ADGRG7: variants seen among roughly 807,000 people sequenced by gnomAD.
The protein encoded by ADGRG7 is adhesion G protein-coupled receptor G7.
A neutral mutation model predicts 88.6 loss-of-function variants in ADGRG7; 82 were observed. That is an observed-to-expected ratio of 0.93 (90% CI 0.77 to 1.11). ADGRG7 has a LOEUF of 1.11. ADGRG7 is among the 50% of genes most tolerant of loss of function. ADGRG7 has a pLI of 0.00. For synonymous variants in ADGRG7, 381 were observed against 345.2 expected, an observed-to-expected ratio of 1.10 and a Z score of -1.15; for missense variants, 945 against 953.4, an observed-to-expected ratio of 0.99 and a Z score of 0.12.
chr3:100,693,320 A>G (rs74543494), intron 15 of ADGRG7, among the ~76,000 whole-genome samples: 4,743 of 152,280 alleles, frequency 0.031, 256 homozygotes, highest in African/African-American at 0.11. Flanking sequence ...ATGTGCCCCA[A>G]ATAAATTTCT....
intron 14 of ADGRG7, among the ~76,000 whole-genome samples, chr3:100,662,001 T>C (rs1186939030): frequency 2.6e-5 from 4 of 152,234 alleles, no homozygotes; most frequent in Non-Finnish European, 5.9e-5. Context: ...CTTGAATTTA[T>C]AGAATGCAAG....
intron 1 of ADGRG7, among the ~76,000 whole-genome samples, chr3:100,623,356 G>A (rs879282737): frequency 2.6e-5 from 4 of 152,068 alleles, no homozygotes; most frequent in East Asian, 1.9e-4. Context: ...GCCTTGGTAC[G>A]TCTTTAAAAT....
intron 1 of ADGRG7, among the ~76,000 whole-genome samples, chr3:100,620,448 C>T (rs537440494): frequency 1.5e-3 from 234 of 152,248 alleles, no homozygotes; most frequent in African/African-American, 5.1e-3. Context: ...CCACAGCTAA[C>T]ATCATACTGA....
chr3:100,673,072 C>T (rs2094960690), intron 15 of ADGRG7, among the ~76,000 whole-genome samples: 1 of 152,028 alleles, frequency 6.6e-6, no homozygotes, highest in Non-Finnish European at 1.5e-5. Context: ...ATGTTGGCCT[C>T]CTAAAATGAG....
chr3:100,678,643 G>T (rs899832509), intron 15 of ADGRG7, among the ~76,000 whole-genome samples: 13 of 152,220 alleles, frequency 8.5e-5, no homozygotes, highest in Middle Eastern at 3.2e-3. Context: ...GGTCACTGCA[G>T]CCATATCTGC....
chr3:100,659,947 T>C, intron 14 of ADGRG7, 104 bp downstream of exon 14: 1 of 1,103,118 alleles, frequency 9.1e-7, no homozygotes, highest in African/African-American at 1.6e-5. Flanking sequence ...ACTGAGACAA[T>C]GGCAGGGCTA....
chr3:100,654,106 C>T (rs1559681114), intron 11 of ADGRG7: 1 of 152,076 alleles, frequency 6.6e-6, no homozygotes, highest in Non-Finnish European at 1.5e-5. Flanking sequence ...CAGGCTCCTC[C>T]CCTCTGCAAA....
At chr3:100,623,868 A>G (rs1008553965) in intron 1 of ADGRG7, among the ~76,000 whole-genome samples, 7 of 152,160 alleles carry the variant, frequency 4.6e-5, no homozygotes, top group Non-Finnish European at 8.8e-5. Flanking sequence ...TGTCCCTGCA[A>G]TGGACAGTAT....
chr3:100,654,793 G>A, intron 11 of ADGRG7, 42 bp from the exon 12 acceptor site: 1 of 1,217,020 alleles, frequency 8.2e-7, no homozygotes, highest in Non-Finnish European at 1.1e-6. Flanking sequence ...TGCAGTTGTT[G>A]TGTTTCATTT....
At chr3:100,673,739 G>A (rs995858782) in intron 15 of ADGRG7, among the ~76,000 whole-genome samples, 1 of 152,290 alleles carries the variant, frequency 6.6e-6, no homozygotes, top group East Asian at 1.9e-4. Flanking sequence ...TTACAGGCGT[G>A]AGCCACCGTG....
chr3:100,622,310 G>T lies in ADGRG7; in HGVS notation c.116-7288G>T, dbSNP rs192904533. On this transcript the variant is annotated intron_variant, in intron 1 of 15. Transcript: ENST00000273352. ...TGCTTATGGTTGTCCAGTTGTTTCC[G>T]CAATATTTGTTGAAAAGACTATCCT... Among the ~76,000 whole-genome samples, 406 of 129,832 alleles carry T rather than the reference G, an allele frequency of 3.1e-3. 2 individuals are homozygous for T. The highest frequency in any genetic ancestry group is 4.5e-3 in the Non-Finnish European group (292 of 64,260). The allele number at this position is 129,832 out of a possible 152,430, so 85.2% of individuals were successfully genotyped here.
At chr3:100,677,600 G>A (rs1271181693) in intron 15 of ADGRG7, among the ~76,000 whole-genome samples, 1 of 151,996 alleles carries the variant, frequency 6.6e-6, no homozygotes, top group Non-Finnish European at 1.5e-5. Context: ...ATTTCTTGTA[G>A]GTCAGGGCTG....
At chr3:100,636,811 A>G (rs1707550687) in intron 5 of ADGRG7, among the ~76,000 whole-genome samples, 2 of 152,214 alleles carry the variant, frequency 1.3e-5, no homozygotes, top group African/African-American at 4.8e-5. Context: ...ATAAATAGTA[A>G]TCAAATGCCA....
At chr3:100,660,952 C>CAA (rs112296437) in intron 14 of ADGRG7, among the ~76,000 whole-genome samples, 1,567 of 96,934 alleles carry the variant, frequency 0.016, 35 homozygotes, top group African/African-American at 0.051. Flanking sequence ...AACTCCATCT[C>CAA]AAAAAAAAAA....
chr3:100,635,573 G>A, intron 4 of ADGRG7, 104 bp from the exon 5 acceptor site: 1 of 1,527,522 alleles, frequency 6.5e-7, no homozygotes, highest in East Asian at 2.3e-5. Flanking sequence ...GTGTTCAGGA[G>A]ATTGAGGCTC....
At chr3:100,656,914 T>G (rs1376019225) in intron 13 of ADGRG7, among the ~76,000 whole-genome samples, 1 of 152,212 alleles carries the variant, frequency 6.6e-6, no homozygotes, top group Non-Finnish European at 1.5e-5. Flanking sequence ...GTTTTAAAAT[T>G]TTAATGCCAC....
chr3:100,645,884 T>C (rs1707735651), intron 8 of ADGRG7, 61 bp from the exon 9 acceptor site: 3 of 1,415,956 alleles, frequency 2.1e-6, no homozygotes, highest in Non-Finnish European at 2.9e-6. Context: ...TAACGTGACA[T>C]ATTGTTTTTT....
chr3:100,619,723 G>A (rs1164105477), intron 1 of ADGRG7, among the ~76,000 whole-genome samples: 1 of 151,946 alleles, frequency 6.6e-6, no homozygotes, highest in Non-Finnish European at 1.5e-5. Flanking sequence ...TGATAAAGGG[G>A]ATATCACCAC....
chr3:100,681,305 C>CTT (rs1187481511), intron 15 of ADGRG7, among the ~76,000 whole-genome samples: 9 of 134,040 alleles, frequency 6.7e-5, no homozygotes, highest in Admixed American at 1.5e-4. Flanking sequence ...CTTTTCTTTT[C>CTT]TTTTTTTTTT....
Sources: allele counts gnomAD v4.1 joint callset (sites outside exome capture counted in the v4.1 genomes callset), GRCh38; gene constraint gnomAD v4.1.1; transcripts MANE v1.5; gene names NCBI Gene and HGNC (gene_info 2026-07-23, HGNC 2026-07-21).